Variants in OTOF observed in about 807,000 individuals in gnomAD.
OTOF encodes fer-1-like family member 2.
Under a neutral mutation model 236.8 loss-of-function variants are expected in OTOF, and 218 were observed. The observed-to-expected ratio is 0.92, with a 90% CI of 0.82 to 1.03. The LOEUF is 1.03. Among genes scored for constraint, OTOF ranks in the 50% least tolerant of loss-of-function variants. The pLI is 0.00. For missense variants in OTOF, 2,590 were observed against 2,694.4 expected (o/e 0.96, Z 0.86); for synonymous variants, 1,041 against 1,072.5 (o/e 0.97, Z 0.57).
chr2:26,461,126 T>C lies in OTOF; in HGVS notation c.5534-96A>G. The C allele has an allele frequency of 9.6e-7, 1 of 1,045,490 alleles. No homozygotes were observed. Among genetic ancestry groups the C allele is most frequent in the Non-Finnish European group, 1.4e-6 (1 of 701,966 alleles). The allele number at this position is 1,045,490 out of a possible 1,614,324, so 64.8% of individuals were successfully genotyped here. On this transcript the variant is annotated intron_variant, in intron 43 of 46. Transcript: ENST00000272371. This position sits in a 1 kb window ranked among gnomAD's most constrained non-coding sequence, Gnocchi z 6.2. ...GCTCCTCGGCCCCTTGTTTGCTGAG[T>C]GCAGACCTCCCTGAGCCCACATCTC...
At chr2:26,521,902 T>C (rs1170041441) in intron 3 of OTOF, among the ~76,000 whole-genome samples, 2 of 152,178 alleles carry the variant, frequency 1.3e-5, no homozygotes, top group Non-Finnish European at 2.9e-5. Context: ...TCATGTGAAA[T>C]TCCTCTACCA....
chr2:26,459,381 T>C (rs2148015040), intron 46 of OTOF, among the ~76,000 whole-genome samples: 1 of 151,940 alleles, frequency 6.6e-6, no homozygotes, highest in South Asian at 2.1e-4. Flanking sequence ...TGAAACCCCG[T>C]CTCTACTAAA....
intron 6 of OTOF, 84 bp from the exon 7 acceptor site, chr2:26,502,510 G>T: frequency 7.0e-7 from 1 of 1,425,298 alleles, no homozygotes; most frequent in Non-Finnish European, 9.6e-7. Context: ...CATCCAGAAA[G>T]CTGAGAGTTA....
At position 26,477,158 on chromosome 2, in the gene OTOF, C is replaced by A. The variant is rs569410600; in HGVS notation, c.2523+14G>T. ...GCCCTGGATGAGGCAAAGCCCCGAC[C>A]CCTTGGGCCGCACCTCGTCCGCCAG... On this transcript the variant is annotated intron_variant, in intron 21 of 46. Transcript: ENST00000272371. This position sits in a 1 kb window ranked among gnomAD's most constrained non-coding sequence, Gnocchi z 4.7. The A allele has an allele frequency of 6.2e-7, 1 of 1,606,522 alleles. No individual in the cohort carries two copies. Among genetic ancestry groups the A allele is most frequent in the South Asian group, 1.1e-5 (1 of 90,554 alleles).
At chr2:26,495,192 G>A (rs1308589233) in intron 8 of OTOF, 119 bp from the exon 9 acceptor site, 3 of 950,114 alleles carry the variant, frequency 3.2e-6, no homozygotes, top group Non-Finnish European at 4.9e-6. Flanking sequence ...GCCAGCACTG[G>A]CCTCCTGGGC....
chr2:26,543,284 C>T (rs148870918), intron 1 of OTOF, among the ~76,000 whole-genome samples: 3 of 152,340 alleles, frequency 2.0e-5, no homozygotes, highest in Non-Finnish European at 4.4e-5. Flanking sequence ...CTCAGGTGTG[C>T]GGCCCGGCAC....
At chr2:26,494,100 C>A (rs1665915773) in intron 9 of OTOF, among the ~76,000 whole-genome samples, 1 of 152,196 alleles carries the variant, frequency 6.6e-6, no homozygotes. Flanking sequence ...TGGCCAGAGC[C>A]CTGGGCTGGA....
At chr2:26,521,243 C>G (rs1294899931) in intron 3 of OTOF, among the ~76,000 whole-genome samples, 1 of 152,224 alleles carries the variant, frequency 6.6e-6, no homozygotes, top group Non-Finnish European at 1.5e-5. Context: ...TATTCAGCTG[C>G]CTTGATTCCC....
chr2:26,470,851 G>T lies in OTOF; in HGVS notation c.3895-130C>A, dbSNP rs1448137986. 1 of 1,495,020 alleles carries T rather than the reference G, an allele frequency of 6.7e-7. No individual in the cohort carries two copies. The highest frequency in any genetic ancestry group is 1.4e-5 in the African/African-American group (1 of 72,086). The allele number at this position is 1,495,020 out of a possible 1,614,324, so 92.6% of individuals were successfully genotyped here. ...CATGAGGCTCTGTGGGGCCACCCAT[G>T]TCCAAGGGGCAGGGCCTTATTTTAT... On this transcript the variant is annotated intron_variant, in intron 31 of 46. Transcript: ENST00000272371. This position sits in a 1 kb window ranked among gnomAD's most constrained non-coding sequence, Gnocchi z 4.3.
rs755665334 is a variant in OTOF, at chr2:26,535,417, C to T, written c.138+2299G>A. Among the ~76,000 whole-genome samples the T allele has an allele frequency of 4.6e-5, 7 of 152,262 alleles. No homozygotes were observed. The South Asian group carries it at 6.2e-4, about 14-fold the overall frequency. ...TGCTGGGGCTGCCACCATCTTCCCA[C>T]GGGGCTCCCAGGTGGGAAGTGCGGG... On this transcript the variant is annotated intron_variant, in intron 2 of 46. Transcript: ENST00000272371.
rs1664908946 is a variant in OTOF, at chr2:26,470,144, A to G, written c.4023+449T>C. 1.3e-5 allele frequency among the ~76,000 whole-genome samples: 2 copies of G among 152,162 alleles called. No individual in the cohort carries two copies. Among genetic ancestry groups the G allele is most frequent in the Non-Finnish European group, 2.9e-5 (2 of 68,032 alleles). The stretch of plus-strand genomic sequence containing the variant: ...TTGTTCCCTTATGGCCTCTGAGAAC[A>G]TGTTTCTCCTTTTCCACAAAGGTCA... On this transcript the variant is annotated intron_variant, in intron 32 of 46. Coordinates refer to ENST00000272371, the MANE Select transcript of OTOF (RefSeq NM_194248.3). This position sits in a 1 kb window ranked among gnomAD's most constrained non-coding sequence, Gnocchi z 4.3.
At chr2:26,530,513 A>G (rs1415468866) in intron 2 of OTOF, among the ~76,000 whole-genome samples, 4 of 152,136 alleles carry the variant, frequency 2.6e-5, no homozygotes, top group Non-Finnish European at 4.4e-5. Context: ...GAGGGAGAAG[A>G]CAGGGTCCTC....
intron 3 of OTOF, among the ~76,000 whole-genome samples, chr2:26,525,825 G>A (rs113623367): frequency 1.2e-3 from 181 of 152,224 alleles, no homozygotes; most frequent in African/African-American, 4.0e-3. Context: ...GGTGGCTCAC[G>A]CCTGTAATCC....
intron 3 of OTOF, among the ~76,000 whole-genome samples, chr2:26,522,223 A>T (rs145358344): frequency 2.0e-5 from 3 of 152,238 alleles, no homozygotes; most frequent in Non-Finnish European, 4.4e-5. Context: ...AGTAAAAATT[A>T]TATTTTTTGA....
chr2:26,495,606 T>C (rs949405406), intron 8 of OTOF, among the ~76,000 whole-genome samples: 5 of 152,122 alleles, frequency 3.3e-5, no homozygotes, highest in Non-Finnish European at 7.4e-5. Context: ...TTGTCTTTTT[T>C]ATACAGATGG....
intron 1 of OTOF, among the ~76,000 whole-genome samples, chr2:26,557,462 A>C (rs527624269): frequency 1.8e-3 from 275 of 152,224 alleles, no homozygotes; most frequent in African/African-American, 6.4e-3. Flanking sequence ...TTCCCCACTT[A>C]AAATGCTCAG....
At chr2:26,509,248 T>A (rs1424608672) in intron 5 of OTOF, among the ~76,000 whole-genome samples, 1 of 152,200 alleles carries the variant, frequency 6.6e-6, no homozygotes, top group Non-Finnish European at 1.5e-5. Flanking sequence ...TGGAGAAACC[T>A]GAACCCTTGA....
At chr2:26,551,230 TC>T (rs1335453557) in intron 1 of OTOF, among the ~76,000 whole-genome samples, 1 of 151,854 alleles carries the variant, frequency 6.6e-6, no homozygotes, top group African/African-American at 2.4e-5. Context: ...CCTCAAATGA[TC>T]CCCCCCGCCT....
chr2:26,486,327 T>C (rs1295154757), intron 11 of OTOF, among the ~76,000 whole-genome samples: 1 of 147,540 alleles, frequency 6.8e-6, no homozygotes, highest in Non-Finnish European at 1.5e-5. Context: ...GGTGGATGGA[T>C]TCACGGATGG....
Sources: gnomAD v4.1 joint callset for allele counts (sites outside exome capture counted in the v4.1 genomes callset) on GRCh38, gnomAD v4.1.1 for gene constraint, Gnocchi (gnomAD v3.1) non-coding constraint, MANE v1.5 for transcripts, NCBI Gene and HGNC (gene_info 2026-07-23, HGNC 2026-07-21) for gene names.